TASP1: variants seen among roughly 807,000 people sequenced by gnomAD.
TASP1 encodes threonine aspartase 1.
A neutral mutation model predicts 56.6 loss-of-function variants in TASP1; 16 were observed. The observed-to-expected ratio is 0.28, with a 90% CI of 0.19 to 0.43. The LOEUF (loss-of-function observed/expected upper bound fraction) is 0.43, where lower values mean the gene tolerates loss of function less well. Ranked by LOEUF, TASP1 falls within the 20% of genes least tolerant of loss-of-function variation. The pLI, the probability that TASP1 is intolerant of heterozygous loss-of-function variation, is 1.00. For missense variants in TASP1, 393 were observed against 511.6 expected, an observed-to-expected ratio of 0.77 and a Z score of 2.24; for synonymous variants, 179 against 184.2, an observed-to-expected ratio of 0.97 and a Z score of 0.23.
intron 10 of TASP1, among the ~76,000 whole-genome samples, chr20:13,523,281 G>A (rs2044835162): frequency 2.0e-5 from 3 of 152,134 alleles, no homozygotes; most frequent in South Asian, 2.1e-4. Flanking sequence ...CAGAGTACAA[G>A]AATGACTGCT....
chr20:13,158,434 T>G, the TASP1 span, among the ~76,000 whole-genome samples: 1 of 152,146 alleles, frequency 6.6e-6, no homozygotes, highest in Non-Finnish European at 1.5e-5. Flanking sequence ...AAAACGTGCT[T>G]CCTTTGGCAC....
intron 11 of TASP1, among the ~76,000 whole-genome samples, chr20:13,453,927 A>G (rs189398821): frequency 6.6e-6 from 1 of 152,178 alleles, no homozygotes; most frequent in Non-Finnish European, 1.5e-5. Flanking sequence ...TGGTATTTCA[A>G]TTCTGACTAA....
chr20:13,344,791 A>C, the TASP1 span, among the ~76,000 whole-genome samples: 1 of 152,100 alleles, frequency 6.6e-6, no homozygotes, highest in Non-Finnish European at 1.5e-5. Flanking sequence ...GCGCCTCTCC[A>C]TCTGTGTGGG....
intron 10 of TASP1, among the ~76,000 whole-genome samples, chr20:13,523,740 A>C (rs2044861233): frequency 6.6e-6 from 1 of 152,176 alleles, no homozygotes; most frequent in African/African-American, 2.4e-5. Flanking sequence ...CAAGACCTTA[A>C]AAAGCAAAGA....
At chr20:13,428,097 T>C (rs1403959987) in intron 12 of TASP1, among the ~76,000 whole-genome samples, 2 of 152,216 alleles carry the variant, frequency 1.3e-5, no homozygotes, top group African/African-American at 4.8e-5. Context: ...AGAGCCCATA[T>C]GCCTCCTATC....
intron 4 of TASP1, among the ~76,000 whole-genome samples, chr20:13,596,091 T>C (rs1018160271): frequency 1.3e-5 from 2 of 152,014 alleles, no homozygotes; most frequent in African/African-American, 2.4e-5. Context: ...ACTGCACAAC[T>C]GCCAGGTGCA....
At chr20:13,189,628 G>A in the TASP1 span, among the ~76,000 whole-genome samples, 1 of 151,976 alleles carries the variant, frequency 6.6e-6, no homozygotes, top group Non-Finnish European at 1.5e-5. Context: ...CAATCAGAAT[G>A]GCTATTATTA....
chr20:13,126,846 A>G, the TASP1 span: 1 of 1,323,674 alleles, frequency 7.6e-7, no homozygotes, highest in South Asian at 1.6e-5. Flanking sequence ...CCATGTGATA[A>G]ATGCACAAAA....
At chr20:13,488,067 T>C (rs1419537697) in intron 10 of TASP1, among the ~76,000 whole-genome samples, 1 of 151,490 alleles carries the variant, frequency 6.6e-6, no homozygotes, top group Non-Finnish European at 1.5e-5. Context: ...GAGTTAAGAG[T>C]CCAAAAGTGT....
intron 8 of TASP1, among the ~76,000 whole-genome samples, chr20:13,546,115 A>G (rs2045800729): frequency 2.0e-5 from 3 of 152,128 alleles, no homozygotes; most frequent in African/African-American, 7.2e-5. Context: ...TTCATTCTCT[A>G]AGATCTATTT....
the TASP1 span, among the ~76,000 whole-genome samples, chr20:13,332,888 G>T: frequency 6.6e-6 from 1 of 152,188 alleles, no homozygotes; most frequent in Non-Finnish European, 1.5e-5. Flanking sequence ...TGCTTGATTT[G>T]TATGTTGTGG....
At chr20:13,368,793 C>T in the TASP1 span, 5 of 152,230 alleles carry the variant, frequency 3.3e-5, no homozygotes, top group African/African-American at 1.2e-4. Context: ...TACCCTAATA[C>T]ACACCAGCCA....
intron 10 of TASP1, among the ~76,000 whole-genome samples, chr20:13,499,463 T>TAAA (rs61471647): frequency 3.5e-5 from 5 of 142,672 alleles, no homozygotes; most frequent in East Asian, 2.0e-4. Flanking sequence ...GAAATCTCTT[T>TAAA]AAAAAAAAAA....
At chr20:13,317,986 A>T in the TASP1 span, among the ~76,000 whole-genome samples, 1 of 152,032 alleles carries the variant, frequency 6.6e-6, no homozygotes, top group Non-Finnish European at 1.5e-5. Flanking sequence ...TGTGAAAGAC[A>T]CTGTCTGCAT....
the TASP1 span, among the ~76,000 whole-genome samples, chr20:13,195,443 AT>A: frequency 6.6e-6 from 1 of 152,166 alleles, no homozygotes; most frequent in African/African-American, 2.4e-5. Context: ...ATCCTTTTCC[AT>A]AGCCCTCAAT....
At chr20:13,421,162 G>C (rs2042421221) in intron 12 of TASP1, among the ~76,000 whole-genome samples, 1 of 145,122 alleles carries the variant, frequency 6.9e-6, no homozygotes, top group African/African-American at 2.6e-5. Context: ...ACCTAGGCTG[G>C]AGTGCGGTGG....
intron 4 of TASP1, among the ~76,000 whole-genome samples, chr20:13,622,037 T>A (rs1388175653): frequency 6.6e-6 from 1 of 152,190 alleles, no homozygotes; most frequent in African/African-American, 2.4e-5. Flanking sequence ...CCTCAACATA[T>A]AATTAACCTT....
chr20:13,623,552 C>T, intron 3 of TASP1, 38 bp from the exon 4 acceptor site: 1 of 1,372,530 alleles, frequency 7.3e-7, no homozygotes, highest in Non-Finnish European at 1.0e-6. Context: ...ATTGCAAAAT[C>T]ACAACTTCTC....
At chr20:13,548,931 T>A (rs1402073448) in intron 8 of TASP1, among the ~76,000 whole-genome samples, 1 of 152,108 alleles carries the variant, frequency 6.6e-6, no homozygotes, top group Non-Finnish European at 1.5e-5. Flanking sequence ...CCCAGATGAA[T>A]CTAATGATCA....
Sources: gnomAD v4.1 joint callset for allele counts (sites outside exome capture counted in the v4.1 genomes callset) on GRCh38, gnomAD v4.1.1 for gene constraint, MANE v1.5 for transcripts, NCBI Gene and HGNC (gene_info 2026-07-23, HGNC 2026-07-21) for gene names.